The following SKAP1 variants were observed in gnomAD, a reference collection of about 807,000 sequenced individuals.
The protein encoded by SKAP1 is src kinase-associated phosphoprotein 1.
A neutral mutation model predicts 58.5 loss-of-function variants in SKAP1; 44 were observed. The ratio of observed to expected loss-of-function variants is 0.75; its 90% CI spans 0.59 to 0.97. SKAP1 has a LOEUF of 0.97. Among genes scored for constraint, SKAP1 ranks in the 50% least tolerant of loss-of-function variants. SKAP1 has a pLI of 0.00. For synonymous variants in SKAP1, 127 were observed against 149.7 expected, an observed-to-expected ratio of 0.85 and a Z score of 1.11; for missense variants, 390 against 435.2, an observed-to-expected ratio of 0.90 and a Z score of 0.92.
At chr17:48,355,582 A>C (rs542325340) in intron 3 of SKAP1, among the ~76,000 whole-genome samples, 1 of 152,274 alleles carries the variant, frequency 6.6e-6, no homozygotes, top group East Asian at 1.9e-4. Flanking sequence ...CTGGCCATAT[A>C]ATTTATTTTT....
intron 11 of SKAP1, among the ~76,000 whole-genome samples, chr17:48,153,159 T>A (rs993858626): frequency 6.6e-6 from 1 of 152,236 alleles, no homozygotes; most frequent in Non-Finnish European, 1.5e-5. Flanking sequence ...ATGCCAATTT[T>A]ATTCTCTTTT....
intron 3 of SKAP1, among the ~76,000 whole-genome samples, chr17:48,362,163 C>T (rs1414735377): frequency 1.3e-5 from 2 of 152,224 alleles, no homozygotes; most frequent in African/African-American, 4.8e-5. Context: ...CTTGGCTGCT[C>T]TACCTCTGTC....
intron 4 of SKAP1, among the ~76,000 whole-genome samples, chr17:48,277,764 C>A (rs2065718224): frequency 1.3e-5 from 2 of 152,024 alleles, no homozygotes; most frequent in Non-Finnish European, 2.9e-5. Flanking sequence ...CTATGTCCAG[C>A]CAATTTTTTA....
At chr17:48,210,121 G>A (rs929375782) in intron 4 of SKAP1, among the ~76,000 whole-genome samples, 4 of 152,260 alleles carry the variant, frequency 2.6e-5, no homozygotes, top group Middle Eastern at 3.4e-3. Flanking sequence ...GTACCTATGC[G>A]GTAGACCACT....
At chr17:48,293,238 T>G (rs2065921237) in intron 4 of SKAP1, among the ~76,000 whole-genome samples, 1 of 152,216 alleles carries the variant, frequency 6.6e-6, no homozygotes. Context: ...AATTACGTAC[T>G]TTTATATTCA....
Position 48,371,327 on chromosome 17 carries a change from G to C in SKAP1, c.153-7513C>G, listed in dbSNP as rs539617215. Among the ~76,000 whole-genome samples, 5 of 152,168 alleles carry C rather than the reference G, an allele frequency of 3.3e-5. No individual in the cohort carries two copies. In the South Asian group the frequency reaches 6.2e-4, roughly 19 times the overall value. On this transcript the variant is annotated intron_variant, in intron 2 of 12. Coordinates refer to ENST00000336915, the MANE Select transcript of SKAP1 (RefSeq NM_003726.4). ...AACAATTCACAGAAAACATTGTCAG[G>C]CTTCTGCTGAAAATAGGGCTACTGA...
intron 4 of SKAP1, among the ~76,000 whole-genome samples, chr17:48,288,665 G>A (rs71377353): frequency 0.029 from 4,424 of 152,176 alleles, 244 homozygotes; most frequent in African/African-American, 0.1. Flanking sequence ...CAGCCTGGGC[G>A]ACAAAGTGAG....
chr17:48,253,616 C>A (rs1057187606), intron 4 of SKAP1, among the ~76,000 whole-genome samples: 1 of 152,080 alleles, frequency 6.6e-6, no homozygotes, highest in Admixed American at 6.6e-5. Context: ...GCATAGGTGC[C>A]GGACTCATCT....
At chr17:48,429,933 A>G (rs1174309665) in intron 1 of SKAP1, 142 bp downstream of exon 1, 4 of 610,932 alleles carry the variant, frequency 6.5e-6, no homozygotes, top group Non-Finnish European at 9.7e-6. Flanking sequence ...AGCTGGCTCT[A>G]GGGAGTTGAG....
chr17:48,256,432 T>C (rs952515794), intron 4 of SKAP1, among the ~76,000 whole-genome samples: 1 of 152,092 alleles, frequency 6.6e-6, no homozygotes, highest in South Asian at 2.1e-4. Context: ...ATATCAAGTC[T>C]ACAAATAAAA....
chr17:48,178,803 C>T (rs114150466), intron 9 of SKAP1, among the ~76,000 whole-genome samples: 229 of 152,160 alleles, frequency 1.5e-3, no homozygotes, highest in African/African-American at 5.4e-3. Context: ...ATGGCTCGAC[C>T]TCAACCAAGA....
chr17:48,305,433 C>T (rs540614652), intron 4 of SKAP1, among the ~76,000 whole-genome samples: 14 of 152,288 alleles, frequency 9.2e-5, no homozygotes, highest in African/African-American at 2.9e-4. Flanking sequence ...GATATATTTG[C>T]GCATTTGCTG....
intron 9 of SKAP1, among the ~76,000 whole-genome samples, chr17:48,176,566 A>C (rs1461199938): frequency 6.6e-6 from 1 of 152,180 alleles, no homozygotes; most frequent in African/African-American, 2.4e-5. Flanking sequence ...TGAGATCCTA[A>C]AAAAATCAAG....
At chr17:48,380,505 G>C (rs1288187217) in intron 2 of SKAP1, 1 of 152,148 alleles carries the variant, frequency 6.6e-6, no homozygotes, top group Non-Finnish European at 1.5e-5. Context: ...AGAATCCCTT[G>C]GACCTTTTAT....
the SKAP1 span, among the ~76,000 whole-genome samples, chr17:48,439,936 C>G: frequency 6.6e-6 from 1 of 152,190 alleles, no homozygotes; most frequent in Non-Finnish European, 1.5e-5. Flanking sequence ...TCCCTACAAA[C>G]CTGGCTCTAC....
intron 1 of SKAP1, among the ~76,000 whole-genome samples, chr17:48,409,928 A>G (rs1345657944): frequency 6.6e-6 from 1 of 152,202 alleles, no homozygotes; most frequent in African/African-American, 2.4e-5. Flanking sequence ...TGTAAACTGT[A>G]ACAACGTAAT....
intron 3 of SKAP1, among the ~76,000 whole-genome samples, chr17:48,358,860 A>T (rs1291070050): frequency 6.6e-6 from 1 of 152,194 alleles, no homozygotes; most frequent in African/African-American, 2.4e-5. Context: ...ACATGAGGAA[A>T]CTGAAGCTTC....
At chr17:48,363,493 G>A (rs2066962354) in intron 3 of SKAP1, among the ~76,000 whole-genome samples, 1 of 152,186 alleles carries the variant, frequency 6.6e-6, no homozygotes, top group Non-Finnish European at 1.5e-5. Context: ...TTATTTGAAT[G>A]CTACTGGATC....
chr17:48,393,246 T>C (rs977889108), intron 2 of SKAP1, among the ~76,000 whole-genome samples: 8 of 152,172 alleles, frequency 5.3e-5, no homozygotes, highest in Non-Finnish European at 1.2e-4. Context: ...ATCACAGAAA[T>C]TGCTATCCGT....
Sources: gnomAD v4.1 joint callset for allele counts (sites outside exome capture counted in the v4.1 genomes callset) on GRCh38, gnomAD v4.1.1 for gene constraint, MANE v1.5 for transcripts, NCBI Gene and HGNC (gene_info 2026-07-23, HGNC 2026-07-21) for gene names.